Variants in WDR53 observed in about 807,000 individuals in gnomAD.
WDR53 encodes the protein WD repeat-containing protein 53.
WDR53 carries 19 observed loss-of-function variants against 21.3 expected under a neutral mutation model. That is an observed-to-expected ratio of 0.89 (90% confidence interval 0.62 to 1.31). WDR53 has a LOEUF of 1.31. Ranked by LOEUF, WDR53 falls within the 50% of genes most tolerant of loss-of-function variation. The pLI is 0.00. For missense variants in WDR53, 374 were observed against 423.2 expected, an observed-to-expected ratio of 0.88 and a Z score of 1.02; for synonymous variants, 157 against 163.4, an observed-to-expected ratio of 0.96 and a Z score of 0.30.
chr3:196,563,165 T>C lies in WDR53; in HGVS notation c.-16-1674A>G, dbSNP rs183110582. Among the ~76,000 whole-genome samples the C allele has an allele frequency of 2.9e-3, 447 of 152,342 alleles. 2 individuals are homozygous for C. The highest frequency in any genetic ancestry group is 8.7e-3 in the South Asian group (42 of 4,824). ...ATGACCAAAAGTTACTAGTAAGTCA[T>C]CAGTGCTTGAAAATGTACTCACATA... On this transcript the variant is annotated intron_variant, in intron 2 of 3. Transcript: ENST00000332629.
At chr3:196,564,577 G>A (rs1181590257) in intron 2 of WDR53, among the ~76,000 whole-genome samples, 1 of 151,696 alleles carries the variant, frequency 6.6e-6, no homozygotes, top group East Asian at 1.9e-4. Context: ...TCCCCAGGCT[G>A]TTCTTGAACT....
Position 196,554,336 on chromosome 3 carries a change from T to C in WDR53, c.952A>G (p.Lys318Glu). 6.2e-7 allele frequency: 1 copy of C among 1,614,208 alleles called. No homozygotes were observed. The highest frequency in any genetic ancestry group is 8.5e-7 in the Non-Finnish European group (1 of 1,180,020). ...DEEEHGNILP[K>E]LNIEHGEKVN... ...TTTTCTCCATGTTCAATATTTAGCT[T>C]TGGTAAAATGTTGCCATGTTCTTCC... The change falls in exon 4 of 4, where the codon AAG becomes GAG. Residue 318 changes from lysine (K) to glutamate (E), a missense_variant. By Grantham distance (56) the Lys-to-Glu change is moderately conservative (BLOSUM62 1). Transcript: ENST00000332629.
chr3:196,555,279 G>C (rs1318368239), intron 3 of WDR53, among the ~76,000 whole-genome samples: 2 of 152,076 alleles, frequency 1.3e-5, no homozygotes, highest in Non-Finnish European at 2.9e-5. Context: ...CCATCCAAGG[G>C]GCTTAAGCTC....
At chr3:196,561,517 A>G in intron 2 of WDR53, 26 bp from the exon 3 acceptor site, 1 of 1,564,470 alleles carries the variant, frequency 6.4e-7, no homozygotes, top group East Asian at 2.3e-5. Flanking sequence ...AACAACTGTA[A>G]TCTCATGTTT....
chr3:196,564,472 G>A (rs1351729420), intron 2 of WDR53, among the ~76,000 whole-genome samples: 19 of 139,292 alleles, frequency 1.4e-4, no homozygotes, highest in African/African-American at 4.3e-4. Context: ...TGATCCTCCC[G>A]CCTTAGCCTC....
At chr3:196,565,216 G>C (rs1024732448) in intron 2 of WDR53, among the ~76,000 whole-genome samples, 65 of 150,828 alleles carry the variant, frequency 4.3e-4, no homozygotes, top group African/African-American at 1.5e-3. Context: ...AATATTTACT[G>C]ATCATTTATC....
intron 3 of WDR53, among the ~76,000 whole-genome samples, 163 bp downstream of exon 3, chr3:196,560,833 T>A (rs911746229): frequency 2.6e-5 from 4 of 152,192 alleles, no homozygotes; most frequent in African/African-American, 4.8e-5. Context: ...TTCTATTAGG[T>A]TTTATCAGAC....
intron 3 of WDR53, among the ~76,000 whole-genome samples, chr3:196,555,106 CTCTCA>C (rs1406232692): frequency 6.6e-6 from 1 of 152,062 alleles, no homozygotes; most frequent in Admixed American, 6.6e-5. Flanking sequence ...GGTTTTTCTG[CTCTCA>C]TCTCTTCAAG....
intron 3 of WDR53, among the ~76,000 whole-genome samples, chr3:196,557,539 A>AAAAC (rs766654768): frequency 2.2e-4 from 33 of 152,256 alleles, no homozygotes; most frequent in Admixed American, 9.8e-4. Flanking sequence ...CCCTGTCTCA[A>AAAAC]AAACAAACAA....
chr3:196,564,395 C>CTTT (rs1553872894), intron 2 of WDR53, among the ~76,000 whole-genome samples: 4 of 135,904 alleles, frequency 2.9e-5, no homozygotes, highest in African/African-American at 5.6e-5. Context: ...TTTCTTTTTT[C>CTTT]TTTTTTTTTT....
chr3:196,557,093 T>C (rs1478612478), intron 3 of WDR53, among the ~76,000 whole-genome samples: 1 of 152,206 alleles, frequency 6.6e-6, no homozygotes, highest in Non-Finnish European at 1.5e-5. Context: ...AATAAAGAGT[T>C]TGGGGCTTAT....
chr3:196,568,198 C>A (rs1735616457), intron 1 of WDR53, among the ~76,000 whole-genome samples: 1 of 152,108 alleles, frequency 6.6e-6, no homozygotes, highest in African/African-American at 2.4e-5. Context: ...CCTTACTTTG[C>A]GAAGGCACAC....
intron 3 of WDR53, among the ~76,000 whole-genome samples, chr3:196,556,050 T>TA (rs1394830436): frequency 6.6e-6 from 1 of 151,838 alleles, no homozygotes; most frequent in Non-Finnish European, 1.5e-5. Flanking sequence ...GATATGAAAA[T>TA]AGTTTTTTTT....
intron 2 of WDR53, among the ~76,000 whole-genome samples, chr3:196,564,882 A>T (rs963361836): frequency 6.6e-6 from 1 of 152,144 alleles, no homozygotes; most frequent in African/African-American, 2.4e-5. Context: ...TCTCCATTAC[A>T]AATCTACCCA....
chr3:196,564,371 C>T (rs932014549), intron 2 of WDR53, among the ~76,000 whole-genome samples: 5 of 148,092 alleles, frequency 3.4e-5, no homozygotes, highest in African/African-American at 9.9e-5. Context: ...TTTTGTTTAA[C>T]GATTTCAATT....
intron 2 of WDR53, among the ~76,000 whole-genome samples, chr3:196,566,470 A>G (rs890163106): frequency 2.0e-5 from 3 of 149,800 alleles, no homozygotes; most frequent in Non-Finnish European, 4.4e-5. Context: ...CTGGAGTGCA[A>G]TGGTGCAATC....
chr3:196,559,501 C>T (rs1205113709), intron 3 of WDR53, among the ~76,000 whole-genome samples: 2 of 151,990 alleles, frequency 1.3e-5, no homozygotes, highest in Admixed American at 1.3e-4. Flanking sequence ...ATGGTGACAA[C>T]AAAAACAGTC....
chr3:196,554,287 T>G lies in WDR53; in HGVS notation c.1001A>C (p.Lys334Thr). Residue 334 changes from lysine to threonine, a missense_variant, in exon 4 of 4, where the codon AAA (lysine) becomes ACA (threonine). Transcript: ENST00000332629. ...GEKVNWLLGTKIKGHQNILVA... is the reference protein window; with the variant it reads ...GEKVNWLLGTTIKGHQNILVA... ...TAATATATTTTGGTGTCCCTTTATT[T>G]TTGTACCCAAGAGCCAGTTCACTTT... is the stretch of plus-strand genomic sequence containing the variant. 6.2e-7 allele frequency: 1 copy of G among 1,614,182 alleles called. No individual in the cohort carries two copies.
rs751091614 is a variant in WDR53 at position 196,561,500 on chromosome 3, T to TG, written c.-16-10dup. On this transcript the variant is annotated splice_polypyrimidine_tract_variant and intron_variant, in intron 2 of 3. Transcript: ENST00000332629. ...TAATGGTCCCGGAGACTCTGTGAAG[T>TG]GGGGGAAACAACTGTAATCTCATGT... 7 of 1,585,838 alleles carry TG rather than the reference T, an allele frequency of 4.4e-6. No homozygotes were observed. Among genetic ancestry groups the TG allele is most frequent in the African/African-American group, 1.4e-5 (1 of 73,776 alleles).
Sources: allele counts gnomAD v4.1 joint callset (sites outside exome capture counted in the v4.1 genomes callset), GRCh38; gene constraint gnomAD v4.1.1; transcripts MANE v1.5; gene names NCBI Gene and HGNC (gene_info 2026-07-23, HGNC 2026-07-21).